NDRG4: variants seen among roughly 807,000 people sequenced by gnomAD.
NDRG4 encodes protein NDRG4.
NDRG4 carries 38 observed loss-of-function variants against 55.8 expected under a neutral mutation model. That is an observed-to-expected ratio of 0.68 (90% CI 0.53 to 0.89). NDRG4 has a LOEUF of 0.89. Ranked by LOEUF, NDRG4 falls within the 40% of genes least tolerant of loss-of-function variation. The probability of loss-of-function intolerance (pLI) is 0.00; values close to 1 mark genes in which losing one functional copy is unlikely to be tolerated. For synonymous variants in NDRG4, 190 were observed against 182.7 expected, an observed-to-expected ratio of 1.04 and a Z score of -0.32; for missense variants, 455 against 468.6, an observed-to-expected ratio of 0.97 and a Z score of 0.27.
At position 58,477,478 on chromosome 16, in the gene NDRG4, A is replaced by G. The variant is rs867225237; in HGVS notation, c.-23-10278A>G. On this transcript the variant is annotated intron_variant, in intron 1 of 15. Transcript: ENST00000258187. Reference sequence around the variant, plus strand: ...ACCTTAAGGGAACTCCCAATGGCCAAGCCTGGCCCAGTTTGAACAATGAAA... The same window carrying G: ...ACCTTAAGGGAACTCCCAATGGCCAGGCCTGGCCCAGTTTGAACAATGAAA... Among the ~76,000 whole-genome samples, 25 of 150,530 alleles carry G rather than the reference A, an allele frequency of 1.7e-4. No homozygotes were observed. The Middle Eastern group carries it at 0.01, about 63-fold the overall frequency.
chr16:58,505,713 C>CTTTTTTTTTTTTTTCTTTTTTTTTTTT (rs2037861003), intron 5 of NDRG4, among the ~76,000 whole-genome samples: 1 of 58,636 alleles, frequency 1.7e-5, no homozygotes, highest in African/African-American at 7.7e-5. Flanking sequence ...GCTTCATTTT[C>CTTTTTTTTTTTTTTCTTTTTTTTTTTT]TTTTTTTTTT....
At chr16:58,499,782 G>C, upstream of NDRG4, 1 of 287,070 alleles carries the variant, frequency 3.5e-6, no homozygotes. Flanking sequence ...GGTAAGCTGT[G>C]CATGTCTGTG....
intron 10 of NDRG4, 39 bp from the exon 11 acceptor site, chr16:58,508,923 G>A (rs781182038): frequency 6.2e-7 from 1 of 1,608,226 alleles, no homozygotes; most frequent in Admixed American, 1.7e-5. Flanking sequence ...GGGTGGGGAG[G>A]GGCAGGGGCT....
At chr16:58,504,009 CCT>C in intron 2 of NDRG4, 106 bp downstream of exon 2, 1 of 1,543,518 alleles carries the variant, frequency 6.5e-7, no homozygotes, top group Non-Finnish European at 8.9e-7. Flanking sequence ...CTCACACTCA[CCT>C]CTGTTGCCTT....
chr16:58,497,618 C>T (rs919027090), upstream of NDRG4, among the ~76,000 whole-genome samples: 2 of 152,330 alleles, frequency 1.3e-5, no homozygotes, highest in South Asian at 2.1e-4. Context: ...CTCCCATTTA[C>T]ATACGGAGGC....
chr16:58,506,874 G>A (rs2038104510), intron 7 of NDRG4, 38 bp from the exon 8 acceptor site: 1 of 1,572,804 alleles, frequency 6.4e-7, no homozygotes, highest in Admixed American at 1.7e-5. Context: ...CCCTCTGTCT[G>A]CCCCTCTGCA....
At chr16:58,474,995 T>C (rs75506946) in intron 1 of NDRG4, among the ~76,000 whole-genome samples, 9,238 of 152,244 alleles carry the variant, frequency 0.061, 540 homozygotes, top group African/African-American at 0.15. Flanking sequence ...GCTAATAAAT[T>C]AGGCATTTCA....
chr16:58,487,860 A>G lies in NDRG4; in HGVS notation c.72+10A>G, dbSNP rs374638909. The G allele has an allele frequency of 0.011, 16,634 of 1,528,474 alleles. 123 individuals carry two copies. Among genetic ancestry groups the G allele is most frequent in the Non-Finnish European group, 0.013 (14,288 of 1,133,866 alleles). 94.7% of individuals were successfully genotyped at this position (1,528,474 alleles called of 1,614,324 possible). A position where few individuals can be genotyped will look rare whatever the true frequency, so the allele number is the denominator to read the frequency against. On this transcript the variant is annotated intron_variant, in intron 2 of 15. Transcript: ENST00000258187. The stretch of plus-strand genomic sequence containing the variant: ...GGACGCCACCGAGCTGGTGAGTTGG[A>G]GTCGCGCCTTTGAGGTCTTAGGGCC...
intron 1 of NDRG4, among the ~76,000 whole-genome samples, chr16:58,466,962 C>T (rs1282377600): frequency 6.6e-6 from 1 of 152,140 alleles, no homozygotes; most frequent in Non-Finnish European, 1.5e-5. Context: ...TTGGATCTGC[C>T]CCCACCCTCC....
intron 1 of NDRG4, among the ~76,000 whole-genome samples, chr16:58,477,101 T>C (rs986130540): frequency 3.3e-5 from 5 of 151,384 alleles, no homozygotes; most frequent in African/African-American, 1.2e-4. Context: ...TCAGTATAAA[T>C]TCCAGATTCC....
At chr16:58,504,553 C>T (rs1177458626) in intron 4 of NDRG4, 36 bp from the exon 5 acceptor site, 3 of 1,613,728 alleles carry the variant, frequency 1.9e-6, no homozygotes, top group Non-Finnish European at 2.5e-6. Flanking sequence ...GAAATGGCAC[C>T]CCTAGCCCTA....
intron 2 of NDRG4, among the ~76,000 whole-genome samples, chr16:58,491,774 TTTTA>T (rs1385421061): frequency 6.6e-6 from 1 of 152,056 alleles, no homozygotes; most frequent in Non-Finnish European, 1.5e-5. Flanking sequence ...CCTTTTCACT[TTTTA>T]TTTATTTTTT....
Position 58,464,988 on chromosome 16 carries a change from G to A in NDRG4, c.-24+1191G>A, listed in dbSNP as rs2031285894. The A allele has an allele frequency of 8.2e-7, 1 of 1,224,022 alleles. No homozygotes were observed. Among genetic ancestry groups the A allele is most frequent in the Non-Finnish European group, 1.0e-6 (1 of 955,548 alleles). The allele number at this position is 1,224,022 out of a possible 1,614,324, so 75.8% of individuals were successfully genotyped here. On this transcript the variant is annotated intron_variant, in intron 1 of 15. Coordinates refer to the NDRG4 transcript ENST00000258187. This position sits in a 1 kb window ranked among gnomAD's most constrained non-coding sequence, Gnocchi z 4.8. ...GGACCCTCAGCCTTGGGGCTCCTCT[G>A]GAGAAGTGATCAGTTGCCCTGCTGG... is the stretch of plus-strand genomic sequence containing the variant.
At chr16:58,505,419 C>CAAA (rs374142391) in intron 5 of NDRG4, among the ~76,000 whole-genome samples, 4 of 81,924 alleles carry the variant, frequency 4.9e-5, no homozygotes, top group Non-Finnish European at 7.6e-5. Context: ...TAAAAACAAG[C>CAAA]AAAAAAAAAA....
At chr16:58,489,814 CT>C (rs1236523574) in intron 2 of NDRG4, among the ~76,000 whole-genome samples, 7 of 151,938 alleles carry the variant, frequency 4.6e-5, no homozygotes, top group Non-Finnish European at 8.8e-5. Flanking sequence ...CTGCCTGTGT[CT>C]TTCTTTCTGT....
chr16:58,481,502 G>A (rs2034397770), intron 1 of NDRG4, among the ~76,000 whole-genome samples: 1 of 152,110 alleles, frequency 6.6e-6, no homozygotes, highest in Admixed American at 6.6e-5. Flanking sequence ...TGGTTGGTGA[G>A]GGCATAGGGA....
Position 58,504,144 on chromosome 16 carries a change from G to A in NDRG4, c.128-10G>A. On this transcript the variant is annotated splice_polypyrimidine_tract_variant and intron_variant, in intron 2 of 14. Transcript: ENST00000570248. ...CTCTGCTCAGCCATAGTGGAAGTGT[G>A]TCTTTGCAGACAAACTATGCTTCAA... is the stretch of plus-strand genomic sequence containing the variant. The A allele has an allele frequency of 1.2e-6, 2 of 1,614,062 alleles. No homozygotes were observed. Among genetic ancestry groups the A allele is most frequent in the Non-Finnish European group, 1.7e-6 (2 of 1,180,022 alleles).
chr16:58,463,791 C>A (rs1248228717), exon 1 of NDRG4: 1 of 151,440 alleles, frequency 6.6e-6, no homozygotes, highest in African/African-American at 2.4e-5. Flanking sequence ...TCGTCCGCAT[C>A]TCCGCGGTGA....
intron 2 of NDRG4, chr16:58,487,891 C>G (rs756759968): frequency 2.6e-5 from 38 of 1,441,166 alleles, no homozygotes; most frequent in Non-Finnish European, 3.5e-5. Context: ...GGGCCGAGCG[C>G]GCCACCTCGT....
Sources: gnomAD v4.1 joint callset for allele counts (sites outside exome capture counted in the v4.1 genomes callset) on GRCh38, gnomAD v4.1.1 for gene constraint, Gnocchi (gnomAD v3.1) non-coding constraint, MANE v1.5 for transcripts, NCBI Gene and HGNC (gene_info 2026-07-23, HGNC 2026-07-21) for gene names.